CTNNA2: variants seen among roughly 807,000 people sequenced by gnomAD.
The protein encoded by CTNNA2 is catenin alpha 2.
CTNNA2 carries 42 observed loss-of-function variants against 101.0 expected under a neutral mutation model. The observed-to-expected ratio is 0.42, with a 90% confidence interval of 0.32 to 0.54. CTNNA2 has a LOEUF of 0.54. Among genes scored for constraint, CTNNA2 ranks in the 20% least tolerant of loss-of-function variants. The pLI is 0.14. For missense variants in CTNNA2, 871 were observed against 1,223.1 expected, an observed-to-expected ratio of 0.71 and a Z score of 4.29; for synonymous variants, 450 against 456.4, an observed-to-expected ratio of 0.99 and a Z score of 0.18.
intron 7 of CTNNA2, among the ~76,000 whole-genome samples, chr2:80,123,039 C>T (rs545902745): frequency 4.2e-4 from 64 of 152,266 alleles, no homozygotes; most frequent in Middle Eastern, 6.8e-3. Context: ...GTGTGGGTCC[C>T]ACCACCTCCT....
chr2:79,610,386 T>G (rs1224246176), intron 1 of CTNNA2, among the ~76,000 whole-genome samples: 1 of 152,122 alleles, frequency 6.6e-6, no homozygotes, highest in Non-Finnish European at 1.5e-5. Context: ...TAAATATACA[T>G]CTACCATATG....
chr2:79,759,008 C>A (rs1465165824), intron 3 of CTNNA2, among the ~76,000 whole-genome samples: 1 of 152,142 alleles, frequency 6.6e-6, no homozygotes, highest in Non-Finnish European at 1.5e-5. Flanking sequence ...TCAGATCTTA[C>A]AATAAATTAT....
chr2:80,052,273 G>A (rs989242390), intron 7 of CTNNA2, among the ~76,000 whole-genome samples: 1 of 152,116 alleles, frequency 6.6e-6, no homozygotes, highest in African/African-American at 2.4e-5. Context: ...CATACATTTA[G>A]CCATGTGTCC....
At chr2:79,351,225 T>G (rs2104438672) in intron 3 of CTNNA2, among the ~76,000 whole-genome samples, 1 of 152,116 alleles carries the variant, frequency 6.6e-6, no homozygotes, top group Non-Finnish European at 1.5e-5. Flanking sequence ...TTCAGAAGAG[T>G]TTTTCTTAGG....
chr2:80,094,896 G>T (rs1040347780), intron 7 of CTNNA2, among the ~76,000 whole-genome samples: 4 of 152,204 alleles, frequency 2.6e-5, no homozygotes, highest in Admixed American at 1.3e-4. Flanking sequence ...AACTTAAGGA[G>T]ATTTTGGGTG....
At chr2:80,519,242 G>A (rs1689337076) in intron 9 of CTNNA2, among the ~76,000 whole-genome samples, 1 of 152,152 alleles carries the variant, frequency 6.6e-6, no homozygotes, top group Non-Finnish European at 1.5e-5. Context: ...AAACAGATTA[G>A]CATTGTGAAG....
At chr2:79,823,952 C>G (rs562581397) in intron 3 of CTNNA2, among the ~76,000 whole-genome samples, 1 of 151,808 alleles carries the variant, frequency 6.6e-6, no homozygotes, top group African/African-American at 2.4e-5. Context: ...TTCCAGGAAG[C>G]CAAAACAGTG....
chr2:79,874,669 G>A (rs76993978), intron 6 of CTNNA2, among the ~76,000 whole-genome samples: 3,639 of 152,216 alleles, frequency 0.024, 131 homozygotes, highest in East Asian at 0.18. Flanking sequence ...TTAGCTGGGC[G>A]TGGTGGCGCA....
intron 17 of CTNNA2, among the ~76,000 whole-genome samples, chr2:80,611,210 CTTTA>C (rs3836003): frequency 0.17 from 26,180 of 150,868 alleles, 2,618 homozygotes; most frequent in African/African-American, 0.28. Flanking sequence ...TATAAATTGG[CTTTA>C]TTTATTTGCT....
At chr2:80,421,142 A>G (rs987926235) in intron 9 of CTNNA2, among the ~76,000 whole-genome samples, 2 of 152,160 alleles carry the variant, frequency 1.3e-5, no homozygotes, top group Non-Finnish European at 2.9e-5. Flanking sequence ...GAAGGAAGGG[A>G]AGAAAGAGGA....
chr2:80,640,788 C>T (rs796563161), intron 18 of CTNNA2, among the ~76,000 whole-genome samples: 30 of 152,144 alleles, frequency 2.0e-4, no homozygotes, highest in African/African-American at 6.7e-4. Flanking sequence ...TCCTTGCAAG[C>T]AATATGTGAC....
At chr2:80,547,043 C>A (rs1211288929) in intron 11 of CTNNA2, among the ~76,000 whole-genome samples, 1 of 152,186 alleles carries the variant, frequency 6.6e-6, no homozygotes, top group Non-Finnish European at 1.5e-5. Flanking sequence ...GGGAACCAGG[C>A]AGACAGGACC....
chr2:79,910,727 T>C (rs917551013), intron 7 of CTNNA2, among the ~76,000 whole-genome samples: 3 of 152,188 alleles, frequency 2.0e-5, no homozygotes, highest in African/African-American at 7.2e-5. Context: ...CTGAAGTCCA[T>C]GTTAGGTATT....
At chr2:80,332,158 A>G (rs1351768847) in intron 7 of CTNNA2, among the ~76,000 whole-genome samples, 3 of 152,290 alleles carry the variant, frequency 2.0e-5, no homozygotes, top group South Asian at 4.1e-4. Flanking sequence ...ACTTTTGGAA[A>G]TTATTGTGTG....
intron 2 of CTNNA2, among the ~76,000 whole-genome samples, chr2:79,251,523 A>G (rs536665358): frequency 3.0e-4 from 45 of 152,084 alleles, no homozygotes; most frequent in Non-Finnish European, 6.3e-4. Context: ...GAGTGATGGA[A>G]TGTCACTTCC....
chr2:80,368,781 A>T (rs527796411), intron 7 of CTNNA2, among the ~76,000 whole-genome samples: 5 of 151,362 alleles, frequency 3.3e-5, no homozygotes, highest in East Asian at 1.9e-4. Flanking sequence ...TAGCAAAAAA[A>T]AAAAGAAAAG....
chr2:79,371,833 A>G (rs1677878499), intron 3 of CTNNA2, among the ~76,000 whole-genome samples: 1 of 152,180 alleles, frequency 6.6e-6, no homozygotes, highest in Admixed American at 6.5e-5. Flanking sequence ...GGAAATCTGC[A>G]GCACTACCCA....
At chr2:80,200,193 G>C (rs534911378) in intron 7 of CTNNA2, among the ~76,000 whole-genome samples, 4 of 152,278 alleles carry the variant, frequency 2.6e-5, no homozygotes, top group African/African-American at 9.6e-5. Context: ...TGAGTAATTT[G>C]CCTTGTGCCA....
chr2:79,980,654 A>C (rs969296105), intron 7 of CTNNA2, among the ~76,000 whole-genome samples: 2 of 152,188 alleles, frequency 1.3e-5, no homozygotes, highest in Non-Finnish European at 2.9e-5. Context: ...GTAAAATATA[A>C]TGTTAAGAGC....
Sources: allele counts gnomAD v4.1 joint callset (sites outside exome capture counted in the v4.1 genomes callset), GRCh38; gene constraint gnomAD v4.1.1; transcripts MANE v1.5; gene names NCBI Gene and HGNC (gene_info 2026-07-23, HGNC 2026-07-21).